PCDHGB5: variants seen among roughly 807,000 people sequenced by gnomAD.
The protein encoded by PCDHGB5 is protocadherin gamma subfamily B, 5.
A neutral mutation model predicts 62.9 loss-of-function variants in PCDHGB5; 48 were observed. That is an observed-to-expected ratio of 0.76 (90% CI 0.61 to 0.97). PCDHGB5 has a LOEUF of 0.97. Among genes scored for constraint, PCDHGB5 ranks in the 50% least tolerant of loss-of-function variants. The pLI, the probability that PCDHGB5 is intolerant of heterozygous loss-of-function variation, is 0.00. For synonymous variants in PCDHGB5, 474 were observed against 511.2 expected, an observed-to-expected ratio of 0.93 and a Z score of 0.98; for missense variants, 1,118 against 1,198.6, an observed-to-expected ratio of 0.93 and a Z score of 0.99.
At position 141,418,010 on chromosome 5, in the gene PCDHGB5, G is replaced by T. The variant is rs185303697; in HGVS notation, c.2397+17486G>T. Reference sequence around the variant, plus strand: ...CAAGGGCTCGGTGGTGGGGAACCTCGCTAAGGATCTAGGGCTTAGTGTCCT... The same window carrying T: ...CAAGGGCTCGGTGGTGGGGAACCTCTCTAAGGATCTAGGGCTTAGTGTCCT... On this transcript the variant is annotated intron_variant, in intron 1 of 3. Coordinates refer to ENST00000617380, the MANE Select transcript of PCDHGB5 (RefSeq NM_018925.3). 2.9e-5 allele frequency: 46 copies of T among 1,613,912 alleles called. No individual in the cohort carries two copies. The Middle Eastern group carries it at 5.0e-4, about 17-fold the overall frequency.
chr5:141,400,776 G>A (rs1461818790), intron 1 of PCDHGB5: 9 of 557,602 alleles, frequency 1.6e-5, no homozygotes, highest in Middle Eastern at 4.6e-4. Context: ...CATTTGGTGC[G>A]TTTTTTTGTC....
chr5:141,427,743 T>A, intron 1 of PCDHGB5: 5 of 1,249,166 alleles, frequency 4.0e-6, no homozygotes, highest in Non-Finnish European at 5.8e-6. Context: ...CCAAGTCTCC[T>A]ACTCCATCGT....
At chr5:141,409,808 G>C in intron 1 of PCDHGB5, 2 of 1,611,624 alleles carry the variant, frequency 1.2e-6, no homozygotes, top group East Asian at 2.2e-5. Context: ...GCAGGCCCGC[G>C]ACCACGGCTC....
chr5:141,477,298 T>C lies in PCDHGB5; in HGVS notation c.2398-17509T>C. ...TGGTGACCTGCGAAGTTCCACCGGG[T>C]CTCCCTTTCAGCCTTACTTCTTCCC... On this transcript the variant is annotated intron_variant, in intron 1 of 3. Coordinates refer to ENST00000617380, the MANE Select transcript of PCDHGB5 (RefSeq NM_018925.3). This position sits in a 1 kb window ranked among gnomAD's most constrained non-coding sequence, Gnocchi z 4.9. 1 of 1,613,344 alleles carries C rather than the reference T, an allele frequency of 6.2e-7. No individual in the cohort carries two copies. Among genetic ancestry groups the C allele is most frequent in the Non-Finnish European group, 8.5e-7 (1 of 1,179,870 alleles).
At chr5:141,470,124 G>A (rs1038487398) in intron 1 of PCDHGB5, among the ~76,000 whole-genome samples, 4 of 151,358 alleles carry the variant, frequency 2.6e-5, no homozygotes, top group African/African-American at 9.7e-5. Flanking sequence ...GCAAGACTTC[G>A]TCTCAAAAAA....
At chr5:141,413,631 G>A in intron 1 of PCDHGB5, 4 of 1,613,750 alleles carry the variant, frequency 2.5e-6, no homozygotes, top group Admixed American at 1.7e-5. Context: ...ATGTCGCTGC[G>A]GGAATGCGTT....
Position 141,489,753 on chromosome 5 carries a change from T to A in PCDHGB5, c.2398-5054T>A, listed in dbSNP as rs549652158. On this transcript the variant is annotated intron_variant, in intron 1 of 3. Transcript: ENST00000617380. The surrounding 1 kb of genome is among the most constrained non-coding windows in gnomAD (Gnocchi z 4.5). ...GCACCAATACTGTGAGCTTTTACAC[T>A]CTAAGCCCCAACAGCCACTTCTCTC... 6.2e-7 allele frequency: 1 copy of A among 1,614,070 alleles called. No homozygotes were observed. The highest frequency in any genetic ancestry group is 2.2e-5 in the East Asian group (1 of 44,866).
intron 1 of PCDHGB5, among the ~76,000 whole-genome samples, chr5:141,425,603 A>G (rs2096884807): frequency 6.6e-6 from 1 of 152,218 alleles, no homozygotes; most frequent in Non-Finnish European, 1.5e-5. Context: ...TATGCCCTAT[A>G]TAGCTTTCAG....
At chr5:141,457,750 C>G (rs900052683) in intron 1 of PCDHGB5, among the ~76,000 whole-genome samples, 4 of 152,188 alleles carry the variant, frequency 2.6e-5, no homozygotes, top group African/African-American at 9.6e-5. Flanking sequence ...AAGCTGAGCC[C>G]AGACATGGGT....
In PCDHGB5 at chr5:141,490,081, T is replaced by A; in HGVS notation, c.2398-4726T>A. Reference sequence around the variant, plus strand: ...CACCAACGGCCAACTAGACTATTCTTTTGGAGACCACACATCTGAGGCAGT... The same window carrying A: ...CACCAACGGCCAACTAGACTATTCTATTGGAGACCACACATCTGAGGCAGT... On this transcript the variant is annotated intron_variant, in intron 1 of 3. Coordinates refer to ENST00000617380, the MANE Select transcript of PCDHGB5 (RefSeq NM_018925.3). The surrounding 1 kb of genome is among the most constrained non-coding windows in gnomAD (Gnocchi z 5.4). 3 of 1,614,216 alleles carry A rather than the reference T, an allele frequency of 1.9e-6. No homozygotes were observed. Among genetic ancestry groups the A allele is most frequent in the Non-Finnish European group, 2.5e-6 (3 of 1,180,040 alleles).
Position 141,400,150 on chromosome 5 carries a change from C to T in PCDHGB5, c.2023C>T (p.Pro675Ser), listed in dbSNP as rs1375670164. The T allele has an allele frequency of 1.9e-6, 3 of 1,613,952 alleles. No individual in the cohort carries two copies. The highest frequency in any genetic ancestry group is 2.5e-6 in the Non-Finnish European group (3 of 1,179,904). ...GGTGCTGCCGGATATCACTGACCGC[C>T]CTGTACCCTCTGACCCCCAGGCTGA... ...QEVLPDITDR[P>S]VPSDPQAELQ... The change falls in exon 1 of 4, where the codon CCT becomes TCT. Residue 675 changes from proline to serine, a missense_variant. Pro to Ser is a moderately conservative substitution (Grantham distance 74, BLOSUM62 -1). Transcript: ENST00000617380.
At chr5:141,438,637 C>T (rs11958903) in intron 1 of PCDHGB5, among the ~76,000 whole-genome samples, 3,503 of 30,116 alleles carry the variant, frequency 0.12, 108 homozygotes, top group Non-Finnish European at 0.15. Context: ...TATATATATA[C>T]ACACACACAC....
chr5:141,502,250 TA>T (rs2099813542), intron 2 of PCDHGB5, among the ~76,000 whole-genome samples: 1 of 152,242 alleles, frequency 6.6e-6, no homozygotes, highest in African/African-American at 2.4e-5. Flanking sequence ...TCCTTTTTTT[TA>T]ATCCAGGATT....
chr5:141,472,218 G>A (rs1206861601), intron 1 of PCDHGB5, among the ~76,000 whole-genome samples: 3 of 152,054 alleles, frequency 2.0e-5, no homozygotes, highest in Admixed American at 2.0e-4. Flanking sequence ...CCTTACTCTC[G>A]ATCATATAAT....
At chr5:141,429,610 T>C (rs2097228693) in intron 1 of PCDHGB5, among the ~76,000 whole-genome samples, 2 of 152,230 alleles carry the variant, frequency 1.3e-5, no homozygotes, top group African/African-American at 4.8e-5. Flanking sequence ...AACTCAATTT[T>C]ATGTCTGATA....
intron 1 of PCDHGB5, chr5:141,410,478 C>G (rs767257836): frequency 6.2e-7 from 1 of 1,613,992 alleles, no homozygotes; most frequent in Non-Finnish European, 8.5e-7. Context: ...ATTGCACATA[C>G]GGGTACAAAA....
intron 1 of PCDHGB5, among the ~76,000 whole-genome samples, chr5:141,454,703 A>C (rs933041937): frequency 1.3e-5 from 2 of 150,198 alleles, no homozygotes; most frequent in African/African-American, 4.9e-5. Flanking sequence ...ACCATGCTCC[A>C]CCTGCTTATT....
At position 141,487,510 on chromosome 5, in the gene PCDHGB5, C is replaced by A; in HGVS notation, c.2398-7297C>A. On this transcript the variant is annotated intron_variant, in intron 1 of 3. Transcript: ENST00000617380. The surrounding 1 kb of genome is among the most constrained non-coding windows in gnomAD (Gnocchi z 5.0). ...GCTGTACACCCTTGGCTTCTGCACC[C>A]ACTCGGAGTGATAGCTTCATGATGG... is the stretch of plus-strand genomic sequence containing the variant. The A allele has an allele frequency of 6.2e-7, 1 of 1,614,210 alleles. No homozygotes were observed. Among genetic ancestry groups the A allele is most frequent in the Non-Finnish European group, 8.5e-7 (1 of 1,180,042 alleles).
chr5:141,476,357 C>T lies in PCDHGB5; in HGVS notation c.2398-18450C>T. On this transcript the variant is annotated intron_variant, in intron 1 of 3. Transcript: ENST00000617380. The surrounding 1 kb of genome is among the most constrained non-coding windows in gnomAD (Gnocchi z 7.6). ...TAGCCGAAGATTCTTTGAGGTGAAC[C>T]GGGAGACCGGAGAGATGTTTGTGAA... The T allele has an allele frequency of 6.2e-7, 1 of 1,614,052 alleles. No individual in the cohort carries two copies. The highest frequency in any genetic ancestry group is 2.2e-5 in the East Asian group (1 of 44,854).
Sources: gnomAD v4.1 joint callset for allele counts (sites outside exome capture counted in the v4.1 genomes callset) on GRCh38, gnomAD v4.1.1 for gene constraint, Gnocchi (gnomAD v3.1) non-coding constraint, MANE v1.5 for transcripts, NCBI Gene and HGNC (gene_info 2026-07-23, HGNC 2026-07-21) for gene names.